ADAMTSL1: variants seen among roughly 807,000 people sequenced by gnomAD.
The protein encoded by ADAMTSL1 is ADAMTS-like protein 1.
Under a neutral mutation model 201.8 loss-of-function variants are expected in ADAMTSL1, and 126 were observed. The observed-to-expected ratio is 0.62, with a 90% confidence interval of 0.54 to 0.72. The LOEUF is 0.72. ADAMTSL1 is among the 30% of genes least tolerant of loss of function. The probability of loss-of-function intolerance (pLI) is 0.00; values close to 1 mark genes in which losing one functional copy is unlikely to be tolerated. For missense variants in ADAMTSL1, 2,679 were observed against 2,277.8 expected (o/e 1.18, Z -3.59); for synonymous variants, 1,121 against 903.4 (o/e 1.24, Z -4.32).
intron 1 of ADAMTSL1, among the ~76,000 whole-genome samples, chr9:18,088,265 A>G (rs1563992655): frequency 6.6e-6 from 1 of 152,222 alleles, no homozygotes; most frequent in East Asian, 1.9e-4. Flanking sequence ...TTAAATACTT[A>G]AATATAAGAC....
intron 2 of ADAMTSL1, among the ~76,000 whole-genome samples, chr9:18,183,504 C>T (rs190102704): frequency 1.3e-4 from 20 of 152,288 alleles, no homozygotes; most frequent in Non-Finnish European, 2.2e-4. Context: ...CTAAAATATA[C>T]TGAACTTAAA....
chr9:18,827,366 T>C (rs1471026657), intron 22 of ADAMTSL1, among the ~76,000 whole-genome samples: 1 of 152,178 alleles, frequency 6.6e-6, no homozygotes, highest in East Asian at 1.9e-4. Flanking sequence ...ATTTAAACTT[T>C]ACACTTCTGT....
At chr9:18,343,321 C>G (rs1835555497) in intron 2 of ADAMTSL1, among the ~76,000 whole-genome samples, 1 of 152,050 alleles carries the variant, frequency 6.6e-6, no homozygotes, top group African/African-American at 2.4e-5. Flanking sequence ...TAAGTCTCTA[C>G]TTCTGTGCTT....
intron 1 of ADAMTSL1, among the ~76,000 whole-genome samples, chr9:17,942,462 G>GC (rs1827278315): frequency 6.6e-6 from 1 of 152,134 alleles, no homozygotes; most frequent in African/African-American, 2.4e-5. Context: ...AGCATCAAAC[G>GC]CTTGAAGCTT....
At chr9:18,845,786 G>T (rs1826066935) in intron 23 of ADAMTSL1, among the ~76,000 whole-genome samples, 1 of 152,212 alleles carries the variant, frequency 6.6e-6, no homozygotes, top group Non-Finnish European at 1.5e-5. Context: ...CTGAGGTTAA[G>T]ACTGGGACAA....
intron 2 of ADAMTSL1, among the ~76,000 whole-genome samples, chr9:18,425,859 G>GAAAA (rs71304881): frequency 2.2e-4 from 21 of 94,596 alleles, no homozygotes; most frequent in African/African-American, 5.3e-4. Flanking sequence ...CCTGTCTCAA[G>GAAAA]AAAAAAAAAA....
At chr9:18,088,680 T>A (rs2131805521) in intron 1 of ADAMTSL1, among the ~76,000 whole-genome samples, 1 of 152,190 alleles carries the variant, frequency 6.6e-6, no homozygotes, top group East Asian at 1.9e-4. Flanking sequence ...CAATCCACAA[T>A]GAGATATGAC....
At chr9:18,670,065 G>A (rs1177629306) in intron 9 of ADAMTSL1, among the ~76,000 whole-genome samples, 1 of 152,022 alleles carries the variant, frequency 6.6e-6, no homozygotes, top group African/African-American at 2.4e-5. Flanking sequence ...TTAGAAATAG[G>A]CTGGTTTCTA....
chr9:18,517,042 T>C (rs1313073221), intron 2 of ADAMTSL1, among the ~76,000 whole-genome samples: 1 of 152,180 alleles, frequency 6.6e-6, no homozygotes, highest in African/African-American at 2.4e-5. Context: ...GTCCTAGAGT[T>C]TCATAATATA....
intron 23 of ADAMTSL1, among the ~76,000 whole-genome samples, chr9:18,872,768 T>C (rs549701446): frequency 5.3e-5 from 8 of 152,318 alleles, no homozygotes; most frequent in African/African-American, 1.7e-4. Context: ...GTTCCGTATT[T>C]TGCAGTTGCA....
At chr9:18,000,700 T>C (rs1170872539) in intron 1 of ADAMTSL1, among the ~76,000 whole-genome samples, 1 of 152,070 alleles carries the variant, frequency 6.6e-6, no homozygotes, top group Non-Finnish European at 1.5e-5. Flanking sequence ...GAAACAGATT[T>C]TGGTTATCTT....
At chr9:18,287,878 A>G (rs946928234) in intron 2 of ADAMTSL1, among the ~76,000 whole-genome samples, 2 of 152,264 alleles carry the variant, frequency 1.3e-5, no homozygotes, top group Admixed American at 1.3e-4. Context: ...CTCTAATCCC[A>G]TTCAAGTTTT....
intron 20 of ADAMTSL1, chr9:18,796,764 G>A (rs1822452963): frequency 6.6e-6 from 1 of 152,166 alleles, no homozygotes; most frequent in Non-Finnish European, 1.5e-5. Context: ...TTCTTCTAAT[G>A]TATTCCAGTT....
intron 1 of ADAMTSL1, among the ~76,000 whole-genome samples, chr9:18,087,191 C>G (rs1236762600): frequency 6.6e-6 from 1 of 152,030 alleles, no homozygotes; most frequent in Admixed American, 6.6e-5. Context: ...CTTTTCTTTT[C>G]TCCCTCCCTA....
At position 18,909,855 on chromosome 9, in the gene ADAMTSL1, C is replaced by T. The variant is rs1440773766; in HGVS notation, c.*1307C>T. On this transcript the variant is annotated 3_prime_UTR_variant, in exon 29 of 29. Transcript: ENST00000380548. ...TGGAGGCAGCACCCTGGCAAAGCAGCTCACACACTGCAGCCACACTCATCA... is the reference window on the plus strand; with the variant it reads ...TGGAGGCAGCACCCTGGCAAAGCAGTTCACACACTGCAGCCACACTCATCA... 6.6e-6 allele frequency: 1 copy of T among 152,264 alleles called. No individual in the cohort carries two copies. The highest frequency in any genetic ancestry group is 1.5e-5 in the Non-Finnish European group (1 of 68,080). 9.4% of individuals were successfully genotyped at this position (152,264 alleles called of 1,614,324 possible). A position where few individuals can be genotyped will look rare whatever the true frequency, so the allele number is the denominator to read the frequency against.
At chr9:17,975,936 G>A (rs553295860) in intron 1 of ADAMTSL1, among the ~76,000 whole-genome samples, 1 of 152,126 alleles carries the variant, frequency 6.6e-6, no homozygotes, top group South Asian at 2.1e-4. Flanking sequence ...TCTTTTGCAT[G>A]TGGATATCCA....
rs561622408 is a variant in ADAMTSL1, at chr9:18,399,280, CATATATATATAT to C, written c.208-105511_208-105500del. ...TTCTTTAGTTCCTCTGTCTGCTTTA[CATATATATATAT>C]ATATATATATATATATATATATATA... On this transcript the variant is annotated intron_variant, in intron 2 of 29. Transcript: ENST00000680146. Among the ~76,000 whole-genome samples, 179 of 30,998 alleles carry C rather than the reference CATATATATATAT, an allele frequency of 5.8e-3. 1 individual carries two copies. The highest frequency in any genetic ancestry group is 9.0e-3 in the African/African-American group (92 of 10,182). 20.3% of individuals were successfully genotyped at this position (30,998 alleles called of 152,430 possible).
intron 1 of ADAMTSL1, among the ~76,000 whole-genome samples, chr9:17,931,203 A>G (rs1826769771): frequency 6.6e-6 from 1 of 152,206 alleles, no homozygotes; most frequent in Admixed American, 6.5e-5. Flanking sequence ...TTACCTGGCC[A>G]TCCTTCAGAT....
chr9:18,183,423 A>C (rs557546034), intron 2 of ADAMTSL1, among the ~76,000 whole-genome samples: 1 of 152,330 alleles, frequency 6.6e-6, no homozygotes, highest in East Asian at 1.9e-4. Context: ...AGATAATGTC[A>C]AGATAACGAA....
Sources: allele counts gnomAD v4.1 joint callset (sites outside exome capture counted in the v4.1 genomes callset), GRCh38; gene constraint gnomAD v4.1.1; transcripts MANE v1.5; gene names NCBI Gene and HGNC (gene_info 2026-07-23, HGNC 2026-07-21).